The following SDK2 variants were observed in gnomAD, a reference collection of about 807,000 sequenced individuals.
The protein encoded by SDK2 is protein sidekick-2.
In SDK2, 105 loss-of-function variants were observed where a neutral mutation model predicts 253.9. The observed-to-expected ratio is 0.41, with a 90% CI of 0.35 to 0.49. SDK2 has a LOEUF of 0.49. Among genes scored for constraint, SDK2 ranks in the 20% least tolerant of loss-of-function variants. The probability of loss-of-function intolerance (pLI) is 0.06; values close to 1 mark genes in which losing one functional copy is unlikely to be tolerated. For synonymous variants in SDK2, 1,249 were observed against 1,234.9 expected, an observed-to-expected ratio of 1.01 and a Z score of -0.24; for missense variants, 2,608 against 3,003.0, an observed-to-expected ratio of 0.87 and a Z score of 3.07.
rs1349111036 is a variant in SDK2 at position 73,432,913 on chromosome 17, GCA to G, written c.1312+817_1312+818del. Among the ~76,000 whole-genome samples the G allele has an allele frequency of 2.0e-5, 3 of 152,010 alleles. 1 individual carries two copies. In the East Asian group the frequency reaches 5.8e-4, roughly 29 times the overall value. ...AGGGGAGAGTTGTGAAGGTGAGTGT[GCA>G]CACACAGAGGTGAAGAGGAAGCACA... On this transcript the variant is annotated intron_variant, in intron 10 of 44. Coordinates refer to ENST00000392650, the MANE Select transcript of SDK2 (RefSeq NM_001144952.2).
At chr17:73,619,272 G>A (rs959040320) in intron 1 of SDK2, among the ~76,000 whole-genome samples, 1 of 151,990 alleles carries the variant, frequency 6.6e-6, no homozygotes, top group Non-Finnish European at 1.5e-5. Flanking sequence ...GGCACAACGT[G>A]AGTTTCCTGT....
intron 1 of SDK2, among the ~76,000 whole-genome samples, chr17:73,603,999 C>T (rs2045874928): frequency 6.6e-6 from 1 of 152,246 alleles, no homozygotes; most frequent in Non-Finnish European, 1.5e-5. Flanking sequence ...CGTCAGCTGG[C>T]AGGAGGACAA....
At chr17:73,381,364 A>T (rs1477987758) in intron 33 of SDK2, among the ~76,000 whole-genome samples, 3 of 152,040 alleles carry the variant, frequency 2.0e-5, no homozygotes, top group Admixed American at 1.3e-4. Context: ...AGGAAATATG[A>T]CTGTATTATA....
At chr17:73,457,298 C>CCG (rs1225923630) in intron 3 of SDK2, among the ~76,000 whole-genome samples, 1 of 37,690 alleles carries the variant, frequency 2.7e-5, no homozygotes, top group Admixed American at 3.2e-4. Context: ...CCCCTCCCTC[C>CCG]CTCCCCCTCC....
chr17:73,484,010 A>G (rs868790755), intron 2 of SDK2, among the ~76,000 whole-genome samples: 2 of 152,016 alleles, frequency 1.3e-5, no homozygotes, highest in African/African-American at 2.4e-5. Flanking sequence ...TATTTTTTAA[A>G]AAACAAGAAA....
intron 1 of SDK2, among the ~76,000 whole-genome samples, chr17:73,588,288 G>C (rs1222485426): frequency 6.6e-6 from 1 of 150,466 alleles, no homozygotes; most frequent in Non-Finnish European, 1.5e-5. Context: ...TCGGGAGGGG[G>C]AGGCAGAAGA....
chr17:73,399,412 C>T lies in SDK2; in HGVS notation c.2972-123G>A, dbSNP rs868396787. 318 of 1,033,778 alleles carry T rather than the reference C, an allele frequency of 3.1e-4. No individual in the cohort carries two copies. The Middle Eastern group carries it at 5.9e-3, about 19-fold the overall frequency. 64.0% of individuals were successfully genotyped at this position (1,033,778 alleles called of 1,614,324 possible). A position where few individuals can be genotyped will look rare whatever the true frequency, so the allele number is the denominator to read the frequency against. On this transcript the variant is annotated intron_variant, in intron 21 of 44. Coordinates refer to ENST00000392650, the MANE Select transcript of SDK2 (RefSeq NM_001144952.2). ...TTTCCTGGAAATGTCTGAGGAGAAG[C>T]ACAGCCACGGCCCCACTCCACCCAC...
intron 4 of SDK2, among the ~76,000 whole-genome samples, chr17:73,448,178 C>T (rs898336414): frequency 3.3e-5 from 5 of 152,108 alleles, no homozygotes; most frequent in East Asian, 1.9e-4. Flanking sequence ...TAGTGAATGT[C>T]GGTGAATGAA....
intron 1 of SDK2, among the ~76,000 whole-genome samples, chr17:73,550,278 GACTCTGCTCTAGGGTTA>G (rs1483764366): frequency 3.3e-5 from 5 of 152,160 alleles, no homozygotes. Flanking sequence ...GCCTCCTAGC[GACTCTGCTCTAGGGTTA>G]ACGGTTCTGA....
chr17:73,533,335 C>G (rs2064185563), intron 1 of SDK2, among the ~76,000 whole-genome samples: 1 of 152,244 alleles, frequency 6.6e-6, no homozygotes, highest in African/African-American at 2.4e-5. Flanking sequence ...GGCCTGGATT[C>G]AGAGGCAGGC....
At chr17:73,401,783 A>C (rs1405662990) in intron 19 of SDK2, 31 bp from the exon 20 acceptor site, 2 of 1,541,960 alleles carry the variant, frequency 1.3e-6, no homozygotes, top group South Asian at 2.4e-5. Context: ...CCACCCCCCA[A>C]GGCCAGTTAG....
At chr17:73,340,734 G>GTTTT (rs10638504) in intron 44 of SDK2, among the ~76,000 whole-genome samples, 38,426 of 77,334 alleles carry the variant, frequency 0.5, 14,886 homozygotes, top group Non-Finnish European at 0.59. Context: ...AAACCTTAAA[G>GTTTT]TTTTTTTTTT....
chr17:73,513,318 C>T (rs74448394), intron 1 of SDK2, among the ~76,000 whole-genome samples: 4,788 of 152,206 alleles, frequency 0.031, 149 homozygotes, highest in Non-Finnish European at 0.042. Context: ...ATGAAGTTCG[C>T]AGAAGAGAAT....
intron 2 of SDK2, among the ~76,000 whole-genome samples, chr17:73,475,211 G>A (rs2063677737): frequency 6.6e-6 from 1 of 152,124 alleles, no homozygotes; most frequent in Non-Finnish European, 1.5e-5. Context: ...AAGTGCAGTG[G>A]TGTGATCTTG....
chr17:73,643,928 T>G lies in SDK2; in HGVS notation c.64+97A>C. 1 of 1,081,412 alleles carries G rather than the reference T, an allele frequency of 9.2e-7. No homozygotes were observed. Among genetic ancestry groups the G allele is most frequent in the Non-Finnish European group, 1.4e-6 (1 of 730,130 alleles). 67.0% of individuals were successfully genotyped at this position (1,081,412 alleles called of 1,614,324 possible). ...GGCTCTGCCACGGCTAAGCCGGGTG[T>G]CCAGGAGGTCACCGTGAGGCCGGCC... On this transcript the variant is annotated intron_variant, in intron 1 of 44. Coordinates refer to ENST00000392650, the MANE Select transcript of SDK2 (RefSeq NM_001144952.2). This position sits in a 1 kb window ranked among gnomAD's most constrained non-coding sequence, Gnocchi z 6.9.
In SDK2 at chr17:73,450,028, C is replaced by T. The variant is rs118155349; in HGVS notation, c.480-2280G>A. ...AATAGGAGGTGGGGCCAGAGCCAGG[C>T]GAAAATATTTCAAAAGCTTAAAATA... On this transcript the variant is annotated intron_variant, in intron 4 of 44. Coordinates refer to ENST00000392650, the MANE Select transcript of SDK2 (RefSeq NM_001144952.2). Among the ~76,000 whole-genome samples, 237 of 152,256 alleles carry T rather than the reference C, an allele frequency of 1.6e-3. 4 individuals are homozygous for T. In the East Asian group the frequency reaches 0.039, roughly 25 times the overall value.
chr17:73,512,264 C>T (rs1309551508), intron 1 of SDK2, among the ~76,000 whole-genome samples: 5 of 152,080 alleles, frequency 3.3e-5, no homozygotes, highest in African/African-American at 4.8e-5. Flanking sequence ...GAGCCTGGCA[C>T]GTGCTAGGAG....
intron 1 of SDK2, among the ~76,000 whole-genome samples, chr17:73,617,268 G>C (rs541718753): frequency 3.4e-5 from 5 of 147,658 alleles, no homozygotes; most frequent in South Asian, 4.4e-4. Flanking sequence ...GAGGGGAGGT[G>C]AGAGGGCTCC....
At chr17:73,568,787 G>GGA (rs1029603282) in intron 1 of SDK2, among the ~76,000 whole-genome samples, 42 of 124,102 alleles carry the variant, frequency 3.4e-4, no homozygotes, top group African/African-American at 1.4e-3. Context: ...ATAAATACAA[G>GGA]GAGAAGAGTC....
Sources: allele counts gnomAD v4.1 joint callset (sites outside exome capture counted in the v4.1 genomes callset), GRCh38; gene constraint gnomAD v4.1.1; non-coding constraint Gnocchi (gnomAD v3.1); transcripts MANE v1.5; gene names NCBI Gene and HGNC (gene_info 2026-07-23, HGNC 2026-07-21).